The following SLC35F1 variants were observed in gnomAD, a reference collection of about 807,000 sequenced individuals.
SLC35F1 encodes the protein chromosome 6 open reading frame 169.
SLC35F1 carries 14 observed loss-of-function variants against 48.7 expected under a neutral mutation model. That is an observed-to-expected ratio of 0.29 (90% confidence interval 0.19 to 0.45). SLC35F1 has a LOEUF of 0.45. Ranked by LOEUF, SLC35F1 falls within the 20% of genes least tolerant of loss-of-function variation. SLC35F1 has a pLI of 1.00. For missense variants in SLC35F1, 404 were observed against 500.0 expected, an observed-to-expected ratio of 0.81 and a Z score of 1.83; for synonymous variants, 190 against 202.2, an observed-to-expected ratio of 0.94 and a Z score of 0.51.
chr6:118,272,473 A>T (rs888915916), intron 4 of SLC35F1, among the ~76,000 whole-genome samples: 3 of 152,110 alleles, frequency 2.0e-5, no homozygotes, highest in Non-Finnish European at 1.5e-5. Flanking sequence ...ATTGTGCAAA[A>T]ATTGCTATCA....
At chr6:118,093,294 T>A (rs768450946) in intron 1 of SLC35F1, among the ~76,000 whole-genome samples, 17 of 151,874 alleles carry the variant, frequency 1.1e-4, no homozygotes, top group Non-Finnish European at 2.4e-4. Flanking sequence ...CCAGCCTGGG[T>A]GACAGAGCGA....
At chr6:117,960,275 T>C (rs1776481562) in intron 1 of SLC35F1, among the ~76,000 whole-genome samples, 1 of 151,126 alleles carries the variant, frequency 6.6e-6, no homozygotes, top group Non-Finnish European at 1.5e-5. Context: ...CTGTATAAAC[T>C]GTATGGTTTA....
intron 1 of SLC35F1, among the ~76,000 whole-genome samples, chr6:118,013,130 CCT>C (rs1183691671): frequency 2.0e-5 from 3 of 152,114 alleles, no homozygotes; most frequent in Non-Finnish European, 1.5e-5. Flanking sequence ...AGTGCTCTTG[CCT>C]CATGAATGGA....
intron 1 of SLC35F1, among the ~76,000 whole-genome samples, chr6:117,959,539 G>C (rs778184821): frequency 6.6e-6 from 1 of 152,120 alleles, no homozygotes; most frequent in Non-Finnish European, 1.5e-5. Flanking sequence ...CTAGCATCCA[G>C]AAATAGACAT....
chr6:118,005,437 C>T (rs1378873855), intron 1 of SLC35F1, among the ~76,000 whole-genome samples: 1 of 152,190 alleles, frequency 6.6e-6, no homozygotes, highest in Non-Finnish European at 1.5e-5. Flanking sequence ...GTTACCCAAA[C>T]TGTTTAATAA....
At chr6:118,286,034 C>T (rs990567662) in intron 7 of SLC35F1, among the ~76,000 whole-genome samples, 5 of 152,174 alleles carry the variant, frequency 3.3e-5, no homozygotes, top group Non-Finnish European at 7.3e-5. Context: ...CTTAACACCA[C>T]ACTCACTGCT....
chr6:118,149,436 C>T (rs548690981), intron 1 of SLC35F1, among the ~76,000 whole-genome samples: 3 of 152,140 alleles, frequency 2.0e-5, no homozygotes, highest in African/African-American at 7.2e-5. Context: ...AGAATTTGAT[C>T]AGGGCAAGAT....
intron 1 of SLC35F1, among the ~76,000 whole-genome samples, chr6:118,143,376 G>A (rs1327074484): frequency 1.3e-5 from 2 of 152,076 alleles, no homozygotes; most frequent in African/African-American, 4.8e-5. Context: ...ATCCTTAAAA[G>A]GTTGCCCCCT....
intron 1 of SLC35F1, among the ~76,000 whole-genome samples, chr6:117,988,392 G>C (rs1222183125): frequency 6.6e-6 from 1 of 152,094 alleles, no homozygotes; most frequent in Non-Finnish European, 1.5e-5. Context: ...TCTTAATTTA[G>C]TTCAATCAAA....
At chr6:118,125,679 AC>A (rs1255856150) in intron 1 of SLC35F1, among the ~76,000 whole-genome samples, 1 of 152,080 alleles carries the variant, frequency 6.6e-6, no homozygotes, top group Non-Finnish European at 1.5e-5. Flanking sequence ...TCATCACTAG[AC>A]CCCCAAGCTG....
intron 1 of SLC35F1, among the ~76,000 whole-genome samples, chr6:118,137,904 A>G (rs991270531): frequency 2.0e-5 from 3 of 152,112 alleles, no homozygotes; most frequent in Non-Finnish European, 4.4e-5. Flanking sequence ...TACCCCTAAC[A>G]TAATCCCTCC....
At chr6:117,936,337 G>T (rs897850284) in intron 1 of SLC35F1, among the ~76,000 whole-genome samples, 1 of 152,138 alleles carries the variant, frequency 6.6e-6, no homozygotes, top group Non-Finnish European at 1.5e-5. Flanking sequence ...TGGGGGTTTG[G>T]GTAGTTGGTG....
chr6:118,166,630 G>A (rs1774321894), intron 2 of SLC35F1, among the ~76,000 whole-genome samples: 1 of 152,198 alleles, frequency 6.6e-6, no homozygotes, highest in Admixed American at 6.5e-5. Flanking sequence ...TTTCAACAGA[G>A]AAATGTGTGG....
At chr6:117,917,863 G>T (rs1049549351) in intron 1 of SLC35F1, among the ~76,000 whole-genome samples, 14 of 137,748 alleles carry the variant, frequency 1.0e-4, no homozygotes, top group Admixed American at 7.2e-4. Context: ...AGAACAATTT[G>T]GGGGGCACAC....
At chr6:118,264,956 C>T (rs1775753941) in intron 3 of SLC35F1, among the ~76,000 whole-genome samples, 1 of 152,242 alleles carries the variant, frequency 6.6e-6, no homozygotes, top group South Asian at 2.1e-4. Context: ...GCCACCACCT[C>T]CTTCCTGTAG....
chr6:118,007,888 GGTC>G (rs370819704), intron 1 of SLC35F1, among the ~76,000 whole-genome samples: 1,970 of 152,152 alleles, frequency 0.013, 30 homozygotes, highest in African/African-American at 0.042. Context: ...TGGAGCTTCA[GGTC>G]TTCTTCTCAG....
intron 1 of SLC35F1, among the ~76,000 whole-genome samples, chr6:118,151,861 CCTTT>C (rs984874385): frequency 9.9e-5 from 15 of 152,050 alleles, no homozygotes; most frequent in Admixed American, 6.6e-4. Flanking sequence ...TTTACCTCTA[CCTTT>C]CTTTCTTTCT....
chr6:118,255,841 G>C (rs1775636329), intron 3 of SLC35F1, among the ~76,000 whole-genome samples: 1 of 152,136 alleles, frequency 6.6e-6, no homozygotes, highest in South Asian at 2.1e-4. Context: ...AGCTCTCTTG[G>C]ACAATGTGAT....
chr6:118,102,868 A>G (rs1773278070), intron 1 of SLC35F1, among the ~76,000 whole-genome samples: 1 of 152,244 alleles, frequency 6.6e-6, no homozygotes, highest in Non-Finnish European at 1.5e-5. Context: ...CTGCTATGAT[A>G]TCATGAAGCT....
Sources: allele counts gnomAD v4.1 joint callset (sites outside exome capture counted in the v4.1 genomes callset), GRCh38; gene constraint gnomAD v4.1.1; transcripts MANE v1.5; gene names NCBI Gene and HGNC (gene_info 2026-07-23, HGNC 2026-07-21).